Variants in ACTN2 observed in about 807,000 individuals in gnomAD.
The protein encoded by ACTN2 is alpha-actinin-2.
In ACTN2, 39 loss-of-function variants were observed where a neutral mutation model predicts 113.8. The ratio of observed to expected loss-of-function variants is 0.34; its 90% CI spans 0.27 to 0.45. ACTN2 has a LOEUF of 0.45. Among genes scored for constraint, ACTN2 ranks in the 20% least tolerant of loss-of-function variants. The probability of loss-of-function intolerance (pLI) is 1.00; values close to 1 mark genes in which losing one functional copy is unlikely to be tolerated. For missense variants in ACTN2, 992 were observed against 1,177.9 expected, an observed-to-expected ratio of 0.84 and a Z score of 2.31; for synonymous variants, 429 against 444.1, an observed-to-expected ratio of 0.97 and a Z score of 0.43.
chr1:236,762,916 T>C lies in ACTN2; in HGVS notation c.*297T>C. On this transcript the variant is annotated 3_prime_UTR_variant, in exon 21 of 21. Coordinates refer to ENST00000366578, the MANE Select transcript of ACTN2 (RefSeq NM_001103.4). ...ACAAATTACTTGAGTAATAGGAAAT[T>C]AGGAGGATCTAGGGACAGAAGGAAA... is the stretch of plus-strand genomic sequence containing the variant. 2.5e-6 allele frequency: 1 copy of C among 397,000 alleles called. No homozygotes were observed. The highest frequency in any genetic ancestry group is 4.8e-6 in the Non-Finnish European group (1 of 210,288). The allele number at this position is 397,000 out of a possible 1,614,324, so 24.6% of individuals were successfully genotyped here. A position where few individuals can be genotyped will look rare whatever the true frequency, so the allele number is the denominator to read the frequency against.
intron 1 of ACTN2, among the ~76,000 whole-genome samples, chr1:236,700,857 T>A (rs571854496): frequency 6.6e-6 from 1 of 152,274 alleles, no homozygotes; most frequent in East Asian, 1.9e-4. Flanking sequence ...CTGTTAAAGA[T>A]GTGAATTCCC....
intron 2 of ACTN2, 117 bp downstream of exon 2, chr1:236,718,089 A>G (rs1258953530): frequency 1.3e-6 from 1 of 794,364 alleles, no homozygotes; most frequent in African/African-American, 1.7e-5. Flanking sequence ...ACATGGTATT[A>G]TTGCCAAAGA....
intron 9 of ACTN2, 148 bp from the exon 10 acceptor site, chr1:236,739,153 GT>G (rs1658987025): frequency 3.6e-6 from 3 of 842,388 alleles, no homozygotes; most frequent in Admixed American, 2.0e-5. Flanking sequence ...TGAACATCTC[GT>G]TCATGCCTCT....
Position 236,739,546 on chromosome 1 carries a change from G to A in ACTN2, c.1107+14G>A, listed in dbSNP as rs372703561. 3.7e-6 allele frequency: 6 copies of A among 1,613,322 alleles called. No individual in the cohort carries two copies. Among genetic ancestry groups the A allele is most frequent in the African/African-American group, 2.7e-5 (2 of 74,918 alleles). ...AAGATGGTGTCGGTGAGTAGCAAGC[G>A]CCAAGCCCTCCTGGCGCCACGGGAA... On this transcript the variant is annotated intron_variant, in intron 10 of 20. Transcript: ENST00000366578.
At chr1:236,711,131 G>C (rs1017835643) in intron 1 of ACTN2, among the ~76,000 whole-genome samples, 1 of 152,210 alleles carries the variant, frequency 6.6e-6, no homozygotes, top group Non-Finnish European at 1.5e-5. Context: ...CCAGTGGAGA[G>C]CATCTGCACC....
In ACTN2 at chr1:236,764,477, A is replaced by C. The variant is rs572253689; in HGVS notation, c.*1858A>C. On this transcript the variant is annotated 3_prime_UTR_variant, in exon 21 of 21. Coordinates refer to ENST00000366578, the MANE Select transcript of ACTN2 (RefSeq NM_001103.4). ...GCAAGAGAGGGGGTCAGTAGTCTCT[A>C]TCTGCTAATAAATGAAGAAAGGAAG... 3.9e-5 allele frequency: 6 copies of C among 152,340 alleles called. No individual in the cohort carries two copies. The highest frequency in any genetic ancestry group is 1.4e-4 in the African/African-American group (6 of 41,582). 9.4% of individuals were successfully genotyped at this position (152,340 alleles called of 1,614,324 possible).
At position 236,712,813 on chromosome 1, in the gene ACTN2, A is replaced by T. The variant is rs534703848; in HGVS notation, c.127-5045A>T. Among the ~76,000 whole-genome samples, 56 of 152,322 alleles carry T rather than the reference A, an allele frequency of 3.7e-4. No individual in the cohort carries two copies. The South Asian group carries it at 0.011, about 31-fold the overall frequency. The stretch of plus-strand genomic sequence containing the variant: ...TTATGAAGAGATTTAAATAACAGAC[A>T]AAGTATGATGACTTTCACCAGCAAT... On this transcript the variant is annotated intron_variant, in intron 1 of 20. Transcript: ENST00000366578.
At chr1:236,689,987 C>T (rs1044722482) in intron 1 of ACTN2, among the ~76,000 whole-genome samples, 7 of 152,136 alleles carry the variant, frequency 4.6e-5, no homozygotes, top group African/African-American at 1.7e-4. Flanking sequence ...AAATATGTGT[C>T]GATACGTAAA....
chr1:236,726,165 T>C, intron 5 of ACTN2, 145 bp downstream of exon 5: 1 of 754,478 alleles, frequency 1.3e-6, no homozygotes, highest in Non-Finnish European at 2.3e-6. Flanking sequence ...GAATTCTTGA[T>C]GCTTAAAGTC....
intron 7 of ACTN2, chr1:236,734,592 C>CT (rs869067102): frequency 5.5e-5 from 62 of 1,126,192 alleles, no homozygotes; most frequent in Non-Finnish European, 7.2e-5. Flanking sequence ...TTGTTTTCCT[C>CT]TTTTTTCCCC....
At chr1:236,693,416 G>C (rs1437352574) in intron 1 of ACTN2, among the ~76,000 whole-genome samples, 1 of 152,148 alleles carries the variant, frequency 6.6e-6, no homozygotes, top group Non-Finnish European at 1.5e-5. Flanking sequence ...AGACAGGAGT[G>C]GTCTGTGAGA....
Position 236,735,740 on chromosome 1 carries a change from C to G in ACTN2, c.783+20C>G. 6.2e-7 allele frequency: 1 copy of G among 1,608,744 alleles called. No homozygotes were observed. The highest frequency in any genetic ancestry group is 1.3e-5 in the African/African-American group (1 of 74,916). ...GAGCAGGTACTCAACACTTGTCCGT[C>G]CGGGCTGTTGTGTTACTCTCTGTTG... is the stretch of plus-strand genomic sequence containing the variant. On this transcript the variant is annotated intron_variant, in intron 8 of 20. Transcript: ENST00000366578.
chr1:236,732,324 A>G (rs1002010890), intron 7 of ACTN2, among the ~76,000 whole-genome samples: 2 of 152,230 alleles, frequency 1.3e-5, no homozygotes, highest in African/African-American at 4.8e-5. Flanking sequence ...TCCAGCTTCT[A>G]GAAGCCCCAG....
rs1195889818 is a variant in ACTN2, at chr1:236,731,271, C to T, written c.654C>T (p.Ile218=). The T allele has an allele frequency of 3.7e-6, 6 of 1,613,682 alleles. No homozygotes were observed. The highest frequency in any genetic ancestry group is 2.2e-5 in the East Asian group (1 of 44,864). ...GAAATATTAACCTGGCCATGGAAAT[C>T]GCTGAGAAGCACCTGGATATTCCTA... ...PIGNINLAME[I]AEKHLDIPKM... is the part of the protein sequence containing the mutation. Residue 218 remains isoleucine (I), a synonymous_variant, in exon 7 of 21, where the codon ATC becomes ATT. Transcript: ENST00000366578.
intron 12 of ACTN2, among the ~76,000 whole-genome samples, chr1:236,745,365 C>A (rs1051359513): frequency 6.6e-6 from 1 of 152,082 alleles, no homozygotes; most frequent in African/African-American, 2.4e-5. Context: ...ACCCAGGAGG[C>A]GGAGCTTGCA....
chr1:236,728,279 G>C (rs1019278841), intron 6 of ACTN2, among the ~76,000 whole-genome samples: 5 of 152,034 alleles, frequency 3.3e-5, no homozygotes, highest in Admixed American at 3.3e-4. Context: ...GAGTAACTGG[G>C]ACTACAGGCA....
intron 3 of ACTN2, among the ~76,000 whole-genome samples, chr1:236,719,730 C>T (rs1397097730): frequency 6.6e-6 from 1 of 150,396 alleles, no homozygotes; most frequent in Non-Finnish European, 1.5e-5. Context: ...TCCCAGGAGG[C>T]GGAGGTTGCA....
chr1:236,758,348 T>G (rs78753071), intron 18 of ACTN2, among the ~76,000 whole-genome samples: 4,669 of 137,510 alleles, frequency 0.034, 271 homozygotes, highest in Middle Eastern at 0.12. Flanking sequence ...TGCAGTGGCA[T>G]GATCTCGGCT....
chr1:236,749,799 TCAACAACAACAA>T (rs542797120), intron 14 of ACTN2, among the ~76,000 whole-genome samples: 1 of 151,854 alleles, frequency 6.6e-6, no homozygotes, highest in Non-Finnish European at 1.5e-5. Flanking sequence ...AGACCCTGTC[TCAACAACAACAA>T]CAACAACAAC....
Sources: allele counts gnomAD v4.1 joint callset (sites outside exome capture counted in the v4.1 genomes callset), GRCh38; gene constraint gnomAD v4.1.1; transcripts MANE v1.5; gene names NCBI Gene and HGNC (gene_info 2026-07-23, HGNC 2026-07-21).